ABCG1: variants seen among roughly 807,000 people sequenced by gnomAD.
The protein encoded by ABCG1 is ATP-binding cassette sub-family G member 1.
Under a neutral mutation model 69.2 loss-of-function variants are expected in ABCG1, and 29 were observed. The observed-to-expected ratio is 0.42, with a 90% CI of 0.31 to 0.57. The LOEUF is 0.57. ABCG1 is among the 20% of genes least tolerant of loss of function. The pLI is 0.15. For missense variants in ABCG1, 718 were observed against 898.1 expected, an observed-to-expected ratio of 0.80 and a Z score of 2.56; for synonymous variants, 370 against 374.8, an observed-to-expected ratio of 0.99 and a Z score of 0.15.
chr21:42,286,407 G>A (rs193072027), intron 8 of ABCG1, among the ~76,000 whole-genome samples: 31 of 152,258 alleles, frequency 2.0e-4, no homozygotes, highest in African/African-American at 4.8e-4. Flanking sequence ...TTAATCTGTC[G>A]TTTTTCTTTA....
Position 42,219,680 on chromosome 21 carries a change from C to A in ABCG1, c.42+376C>A. 1 of 740,364 alleles carries A rather than the reference C, an allele frequency of 1.4e-6. No homozygotes were observed. The highest frequency in any genetic ancestry group is 2.1e-6 in the Non-Finnish European group (1 of 484,520). The allele number at this position is 740,364 out of a possible 1,614,324, so 45.9% of individuals were successfully genotyped here. A position where few individuals can be genotyped will look rare whatever the true frequency, so the allele number is the denominator to read the frequency against. On this transcript the variant is annotated intron_variant, in intron 1 of 14. Coordinates refer to ENST00000398449, the MANE Select transcript of ABCG1 (RefSeq NM_016818.3). The surrounding 1 kb of genome is among the most constrained non-coding windows in gnomAD (Gnocchi z 5.3). ...ACTGGGGAGGGGCCGCAGCTTGGGC[C>A]GGAGGGAAGAGGGGACTTGAAGAAG...
chr21:42,259,476 A>T (rs1442986606), intron 2 of ABCG1: 1 of 1,548,582 alleles, frequency 6.5e-7, no homozygotes, highest in African/African-American at 1.4e-5. Flanking sequence ...AAGCATTGTC[A>T]TCATGCCCCC....
chr21:42,283,356 G>A (rs981864003), intron 6 of ABCG1, among the ~76,000 whole-genome samples: 1 of 152,190 alleles, frequency 6.6e-6, no homozygotes, highest in Non-Finnish European at 1.5e-5. Flanking sequence ...AGATGGGTGG[G>A]CTCCGGGGGA....
At chr21:42,244,415 C>T (rs906140219) in intron 2 of ABCG1, among the ~76,000 whole-genome samples, 2 of 152,206 alleles carry the variant, frequency 1.3e-5, no homozygotes, top group Non-Finnish European at 2.9e-5. Context: ...TCTGTGCCAG[C>T]TCTCAGGACC....
intron 2 of ABCG1, among the ~76,000 whole-genome samples, chr21:42,251,677 A>G (rs149199129): frequency 6.6e-6 from 1 of 152,260 alleles, no homozygotes; most frequent in Non-Finnish European, 1.5e-5. Flanking sequence ...GAAGGGCCCA[A>G]TTGTGGAAAG....
intron 2 of ABCG1, among the ~76,000 whole-genome samples, chr21:42,265,279 G>A (rs2068483432): frequency 6.6e-6 from 1 of 152,192 alleles, no homozygotes; most frequent in African/African-American, 2.4e-5. Flanking sequence ...CTCTGCTGTG[G>A]GTTGAGTTGC....
intron 4 of ABCG1, among the ~76,000 whole-genome samples, chr21:42,274,187 A>G (rs1031795882): frequency 6.6e-6 from 1 of 152,204 alleles, no homozygotes; most frequent in East Asian, 1.9e-4. Flanking sequence ...TAAATATTGA[A>G]AGGGAAAATA....
chr21:42,259,778 G>A (rs2068373974), intron 2 of ABCG1, among the ~76,000 whole-genome samples: 1 of 152,250 alleles, frequency 6.6e-6, no homozygotes, highest in Non-Finnish European at 1.5e-5. Flanking sequence ...CATGGTTTAG[G>A]AAGAGGCAGA....
chr21:42,219,152 C>T lies in ABCG1; in HGVS notation c.-111C>T, dbSNP rs1473258238. Reference sequence around the variant, plus strand: ...CCGGATCCCAGCCGGAGCCCAAGCGCAGCCCGCACCCCGCGCAGCGGCTGA... The same window carrying T: ...CCGGATCCCAGCCGGAGCCCAAGCGTAGCCCGCACCCCGCGCAGCGGCTGA... On this transcript the variant is annotated 5_prime_UTR_variant, in exon 1 of 15. Coordinates refer to ENST00000398449, the MANE Select transcript of ABCG1 (RefSeq NM_016818.3). The surrounding 1 kb of genome is among the most constrained non-coding windows in gnomAD (Gnocchi z 5.3). 1.9e-6 allele frequency: 2 copies of T among 1,035,756 alleles called. No individual in the cohort carries two copies. The highest frequency in any genetic ancestry group is 4.7e-5 in the Admixed American group (1 of 21,220). The allele number at this position is 1,035,756 out of a possible 1,614,324, so 64.2% of individuals were successfully genotyped here.
At position 42,271,122 on chromosome 21, in the gene ABCG1, G is replaced by A. The variant is rs2229411; in HGVS notation, c.339G>A (p.Leu113=). 4,115 of 1,584,138 alleles carry A rather than the reference G, an allele frequency of 2.6e-3. 121 individuals carry two copies. The East Asian group carries it at 0.04, about 15-fold the overall frequency. The change falls in exon 3 of 15, where the codon TTG becomes TTA. Residue 113 remains leucine, a synonymous_variant. Transcript: ENST00000398449. Reference sequence around the variant, plus strand: ...CCGGGAAGTTCAATAGTGGTGAGTTGGTGGCCATTATGGGTCCTTCCGGGG... The same window carrying A: ...CCGGGAAGTTCAATAGTGGTGAGTTAGTGGCCATTATGGGTCCTTCCGGGG... ...GISGKFNSGE[L]VAIMGPSGAG...
chr21:42,206,351 A>AAAAT (rs79957854), intron 2 of ABCG1, among the ~76,000 whole-genome samples: 9,667 of 149,010 alleles, frequency 0.065, 363 homozygotes, highest in Non-Finnish European at 0.079. Flanking sequence ...CTCTGTCTCA[A>AAAAT]AAATAAATAA....
intron 2 of ABCG1, among the ~76,000 whole-genome samples, chr21:42,231,834 G>A (rs982821277): frequency 2.0e-5 from 3 of 152,242 alleles, no homozygotes; most frequent in African/African-American, 7.2e-5. Context: ...GCTAAAGTGG[G>A]CTTTCTTGTG....
At chr21:42,209,719 G>A (rs2067571394) in intron 2 of ABCG1, among the ~76,000 whole-genome samples, 1 of 152,190 alleles carries the variant, frequency 6.6e-6, no homozygotes, top group Non-Finnish European at 1.5e-5. Flanking sequence ...CCGTAACAAA[G>A]AATAATAATA....
intron 2 of ABCG1, among the ~76,000 whole-genome samples, chr21:42,250,547 C>T (rs3787979): frequency 6.6e-6 from 1 of 152,036 alleles, no homozygotes. Flanking sequence ...AGGGCTGGGA[C>T]CTCCCAGGGA....
chr21:42,256,113 G>T, intron 2 of ABCG1: 5 of 1,337,542 alleles, frequency 3.7e-6, no homozygotes, highest in Non-Finnish European at 4.8e-6. Context: ...GGTGAGGCCC[G>T]TGACCTTCCC....
At chr21:42,258,482 C>G (rs1487961537) in intron 2 of ABCG1, among the ~76,000 whole-genome samples, 1 of 150,902 alleles carries the variant, frequency 6.6e-6, no homozygotes, top group African/African-American at 2.4e-5. Flanking sequence ...GCATCCCTCT[C>G]TCCATCCAGA....
rs151056777 is a variant in ABCG1 at position 42,286,847 on chromosome 21, C to T, written c.973+853C>T. 1.9e-3 allele frequency among the ~76,000 whole-genome samples: 289 copies of T among 152,180 alleles called. 2 individuals are homozygous for T. The Middle Eastern group carries it at 0.02, about 11-fold the overall frequency. On this transcript the variant is annotated intron_variant, in intron 8 of 14. Coordinates refer to ENST00000398449, the MANE Select transcript of ABCG1 (RefSeq NM_016818.3). ...TCCTCAATGTCGTCTGACCAGAGAG[C>T]GGGAGGTGAGGGGAGTGTGGCCCAC...
chr21:42,290,346 ATCT>A, intron 11 of ABCG1, 128 bp downstream of exon 11: 2 of 1,059,982 alleles, frequency 1.9e-6, no homozygotes, highest in East Asian at 2.5e-5. Context: ...TTAAAATATC[ATCT>A]TCTTTGTTGA....
At chr21:42,274,080 G>A (rs892617299) in intron 4 of ABCG1, among the ~76,000 whole-genome samples, 1 of 152,228 alleles carries the variant, frequency 6.6e-6, no homozygotes, top group Non-Finnish European at 1.5e-5. Context: ...TGTCTCCAAA[G>A]GCGCACCTTT....
Sources: allele counts gnomAD v4.1 joint callset (sites outside exome capture counted in the v4.1 genomes callset), GRCh38; gene constraint gnomAD v4.1.1; non-coding constraint Gnocchi (gnomAD v3.1); transcripts MANE v1.5; gene names NCBI Gene and HGNC (gene_info 2026-07-23, HGNC 2026-07-21).